The following TMTC2 variants were observed in gnomAD, a reference collection of about 807,000 sequenced individuals.
The protein encoded by TMTC2 is protein O-mannosyl-transferase TMTC2.
A neutral mutation model predicts 82.4 loss-of-function variants in TMTC2; 43 were observed. The ratio of observed to expected loss-of-function variants is 0.52; its 90% CI spans 0.41 to 0.67. The LOEUF (loss-of-function observed/expected upper bound fraction) is 0.67, where lower values mean the gene tolerates loss of function less well. TMTC2 is among the 30% of genes least tolerant of loss of function. TMTC2 has a pLI of 0.00. For synonymous variants in TMTC2, 408 were observed against 381.9 expected (o/e 1.07, Z -0.80); for missense variants, 919 against 1,012.4 (o/e 0.91, Z 1.25).
intron 4 of TMTC2, among the ~76,000 whole-genome samples, chr12:82,959,924 C>T (rs1877830510): frequency 6.6e-6 from 1 of 151,936 alleles, no homozygotes; most frequent in African/African-American, 2.4e-5. Context: ...CACTATGCAT[C>T]CAACAGAGGT....
chr12:82,815,106 A>G (rs1868615364), intron 1 of TMTC2, among the ~76,000 whole-genome samples: 1 of 151,508 alleles, frequency 6.6e-6, no homozygotes, highest in Non-Finnish European at 1.5e-5. Flanking sequence ...CTGTTTTCTT[A>G]AGGACTTTGT....
chr12:83,030,964 A>G, intron 9 of TMTC2, 85 bp downstream of exon 9: 1 of 1,015,270 alleles, frequency 9.8e-7, no homozygotes. Context: ...GGCAAAGAAC[A>G]TTTTAAGAGG....
intron 1 of TMTC2, among the ~76,000 whole-genome samples, chr12:82,843,317 C>T (rs751966412): frequency 1.3e-5 from 2 of 151,952 alleles, no homozygotes; most frequent in Non-Finnish European, 2.9e-5. Flanking sequence ...GAACTCCTGA[C>T]TTCAAGTGAT....
intron 7 of TMTC2, among the ~76,000 whole-genome samples, chr12:82,981,000 G>T (rs10778922): frequency 0.66 from 99,514 of 151,632 alleles, 35,296 homozygotes; most frequent in South Asian, 0.85. Context: ...TTTCTTTGTC[G>T]CTAGATTGTA....
intron 4 of TMTC2, among the ~76,000 whole-genome samples, chr12:82,939,723 G>A (rs1050139935): frequency 6.6e-6 from 1 of 151,944 alleles, no homozygotes; most frequent in South Asian, 2.1e-4. Context: ...ATTCTGTTCT[G>A]TTGGTAACCC....
At chr12:83,120,858 T>G (rs1026288517) in intron 11 of TMTC2, among the ~76,000 whole-genome samples, 3 of 152,198 alleles carry the variant, frequency 2.0e-5, no homozygotes, top group African/African-American at 7.2e-5. Flanking sequence ...TTTCTTACTC[T>G]TTTTTCTTTG....
At chr12:82,942,498 C>T (rs956949037) in intron 4 of TMTC2, among the ~76,000 whole-genome samples, 1 of 151,888 alleles carries the variant, frequency 6.6e-6, no homozygotes, top group African/African-American at 2.4e-5. Flanking sequence ...GTAGGAAAAA[C>T]ATAAGAATAT....
At chr12:82,915,683 T>C (rs1353533898) in intron 3 of TMTC2, among the ~76,000 whole-genome samples, 2 of 152,238 alleles carry the variant, frequency 1.3e-5, no homozygotes, top group Non-Finnish European at 2.9e-5. Context: ...CGTAATTCTG[T>C]ACAAGTCGTC....
At chr12:82,747,459 C>T (rs1875749262) in intron 1 of TMTC2, among the ~76,000 whole-genome samples, 1 of 151,816 alleles carries the variant, frequency 6.6e-6, no homozygotes, top group Admixed American at 6.6e-5. Flanking sequence ...TGACTTCCAG[C>T]TTTAAATTGG....
At chr12:83,052,661 T>C (rs1882394682) in intron 10 of TMTC2, among the ~76,000 whole-genome samples, 1 of 152,194 alleles carries the variant, frequency 6.6e-6, no homozygotes, top group South Asian at 2.1e-4. Context: ...GGCATTTTGC[T>C]ACATATTAAA....
At position 82,708,858 on chromosome 12, in the gene TMTC2, C is replaced by CTT. The variant is rs549862364; in HGVS notation, c.83+21191_83+21192dup. 3.0e-3 allele frequency among the ~76,000 whole-genome samples: 453 copies of CTT among 152,336 alleles called. 2 individuals carry two copies. Among genetic ancestry groups the CTT allele is most frequent in the African/African-American group, 0.011 (440 of 41,590 alleles). On this transcript the variant is annotated intron_variant, in intron 1 of 11. Transcript: ENST00000321196. ...GACCTCCCCATGGGTATCTGCCTTG[C>CTT]TTTAGCTCAGTGCTAAGCAGCAGTT...
At chr12:83,101,787 A>C (rs1329008312) in intron 11 of TMTC2, among the ~76,000 whole-genome samples, 1 of 152,218 alleles carries the variant, frequency 6.6e-6, no homozygotes, top group Non-Finnish European at 1.5e-5. Context: ...TATGCTTCAA[A>C]AAATATAAAA....
At chr12:82,688,416 G>T (rs1476982148) in intron 1 of TMTC2, among the ~76,000 whole-genome samples, 3 of 152,102 alleles carry the variant, frequency 2.0e-5, no homozygotes, top group Non-Finnish European at 4.4e-5. Context: ...AGTTTGGGTG[G>T]CTAATGAGAC....
intron 1 of TMTC2, among the ~76,000 whole-genome samples, chr12:82,836,145 AGCTTGTAT>A (rs111706437): frequency 0.23 from 35,315 of 151,820 alleles, 10,018 homozygotes; most frequent in African/African-American, 0.68. Flanking sequence ...AGAATGGAAT[AGCTTGTAT>A]GCTTGTATAT....
intron 1 of TMTC2, among the ~76,000 whole-genome samples, chr12:82,714,586 T>C (rs1458158223): frequency 1.3e-5 from 2 of 152,188 alleles, no homozygotes; most frequent in African/African-American, 4.8e-5. Context: ...TCCTGGAACC[T>C]GCTGTTCCTG....
At chr12:82,875,385 T>TATATATATATATATATATATATATA (rs140437146) in intron 2 of TMTC2, among the ~76,000 whole-genome samples, 48 of 151,926 alleles carry the variant, frequency 3.2e-4, no homozygotes, top group African/African-American at 1.0e-3. Flanking sequence ...TATATATATA[T>TATATATATATATATATATATATATA]ATGTTTTACA....
At chr12:82,937,771 T>TACATATATATATATAC in intron 4 of TMTC2, among the ~76,000 whole-genome samples, 1 of 24,048 alleles carries the variant, frequency 4.2e-5, no homozygotes, top group South Asian at 1.7e-3. Context: ...TATATATATA[T>TACATATATATATATAC]ATATATATAT....
At chr12:82,788,632 C>G (rs983166569) in intron 1 of TMTC2, among the ~76,000 whole-genome samples, 1 of 152,130 alleles carries the variant, frequency 6.6e-6, no homozygotes, top group African/African-American at 2.4e-5. Flanking sequence ...TTACCTTTCT[C>G]TCCCTCACAG....
intron 1 of TMTC2, among the ~76,000 whole-genome samples, chr12:82,729,173 C>T (rs1452926677): frequency 6.6e-6 from 1 of 152,204 alleles, no homozygotes; most frequent in Non-Finnish European, 1.5e-5. Context: ...CTGGGTGAAG[C>T]CAGTTGGGCT....
Sources: gnomAD v4.1 joint callset for allele counts (sites outside exome capture counted in the v4.1 genomes callset) on GRCh38, gnomAD v4.1.1 for gene constraint, MANE v1.5 for transcripts, NCBI Gene and HGNC (gene_info 2026-07-23, HGNC 2026-07-21) for gene names.